The following ALDH1A3 variants were observed in gnomAD, a reference collection of about 807,000 sequenced individuals.
The protein encoded by ALDH1A3 is aldehyde dehydrogenase 1 family member A3, also known as retinaldehyde dehydrogenase 3.
ALDH1A3 carries 28 observed loss-of-function variants against 57.5 expected under a neutral mutation model. The observed-to-expected ratio is 0.49, with a 90% confidence interval of 0.36 to 0.67. The LOEUF is 0.67. Ranked by LOEUF, ALDH1A3 falls within the 30% of genes least tolerant of loss-of-function variation. The pLI is 0.00. For missense variants in ALDH1A3, 507 were observed against 669.4 expected (o/e 0.76, Z 2.68); for synonymous variants, 281 against 264.8 (o/e 1.06, Z -0.59).
chr15:100,892,984 G>A lies in ALDH1A3; in HGVS notation c.515G>A (p.Gly172Asp), dbSNP rs1567169714. 6.2e-7 allele frequency: 1 copy of A among 1,614,036 alleles called. No individual in the cohort carries two copies. Among genetic ancestry groups the A allele is most frequent in the Non-Finnish European group, 8.5e-7 (1 of 1,179,974 alleles). Residue 172 changes from glycine (G) to aspartate (D), a missense_variant, in exon 5 of 13, where the codon GGT becomes GAT. Coordinates refer to ENST00000329841, the MANE Select transcript of ALDH1A3 (RefSeq NM_000693.4). ...VVCFTRHEPI[G>D]VCGAITPWNF... Reference sequence around the variant, plus strand: ...TGCTTCACCAGGCATGAGCCCATTGGTGTCTGTGGGGCCATCACTCCAGTA... The same window carrying A: ...TGCTTCACCAGGCATGAGCCCATTGATGTCTGTGGGGCCATCACTCCAGTA...
chr15:100,884,505 C>G (rs2041574608), intron 1 of ALDH1A3, among the ~76,000 whole-genome samples: 3 of 151,450 alleles, frequency 2.0e-5, no homozygotes, highest in Admixed American at 1.3e-4. Context: ...GTTTCTAACC[C>G]AGACATTTAA....
In ALDH1A3 at chr15:100,900,717, C is replaced by G. The variant is rs138675893; in HGVS notation, c.1026C>G (p.Pro342=). 9 of 1,613,948 alleles carry G rather than the reference C, an allele frequency of 5.6e-6. No homozygotes were observed. The highest frequency in any genetic ancestry group is 2.7e-5 in the African/African-American group (2 of 74,868). Residue 342 remains proline, a synonymous_variant, in exon 9 of 13, where the codon CCC becomes CCG. Coordinates refer to ENST00000329841, the MANE Select transcript of ALDH1A3 (RefSeq NM_000693.4). ...RRSVEYAKKR[P]VGDPFDVKTE... ...GCGTGGAGTATGCCAAGAAACGGCCCGTGGGAGACCCCTTCGATGTCAAAA... is the reference window on the plus strand; with the variant it reads ...GCGTGGAGTATGCCAAGAAACGGCCGGTGGGAGACCCCTTCGATGTCAAAA...
At chr15:100,881,028 C>T (rs144580779) in intron 1 of ALDH1A3, 2 of 152,328 alleles carry the variant, frequency 1.3e-5, no homozygotes, top group African/African-American at 4.8e-5. Context: ...CCATAGCCCC[C>T]AACTCCAGCT....
At chr15:100,909,173 A>G (rs1596134910) in intron 12 of ALDH1A3, among the ~76,000 whole-genome samples, 1 of 82,206 alleles carries the variant, frequency 1.2e-5, no homozygotes, top group Non-Finnish European at 2.4e-5. Context: ...GTGTGAACCC[A>G]CTGCAAACTC....
intron 3 of ALDH1A3, chr15:100,888,431 T>A (rs140176431): frequency 6.0e-4 from 91 of 152,312 alleles, no homozygotes; most frequent in African/African-American, 2.2e-3. Context: ...TAAACTTAAG[T>A]TTAATCTCAT....
At chr15:100,905,418 A>C in intron 9 of ALDH1A3, 105 bp from the exon 10 acceptor site, 2 of 1,382,700 alleles carry the variant, frequency 1.4e-6, no homozygotes, top group Middle Eastern at 3.8e-4. Flanking sequence ...TGACAAGAAC[A>C]TGCAGAGGGA....
In ALDH1A3 at chr15:100,914,947, G is replaced by A. The variant is rs7182089; in HGVS notation, c.*174G>A. On this transcript the variant is annotated 3_prime_UTR_variant, in exon 13 of 13. Transcript: ENST00000329841. ...CTCTCACTCTCCTGTTTATTCACCA[G>A]ACTGGGGATGCCTATAGGTTGTCTG... 0.01 allele frequency: 6,474 copies of A among 636,484 alleles called. 276 individuals carry two copies. The highest frequency in any genetic ancestry group is 0.097 in the African/African-American group (5,310 of 54,622). 39.4% of individuals were successfully genotyped at this position (636,484 alleles called of 1,614,324 possible).
At chr15:100,909,077 G>A (rs556542059) in intron 12 of ALDH1A3, among the ~76,000 whole-genome samples, 3 of 139,014 alleles carry the variant, frequency 2.2e-5, no homozygotes, top group African/African-American at 5.5e-5. Context: ...AACCCTCCAC[G>A]CGTGCATGTA....
At position 100,893,042 on chromosome 15, in the gene ALDH1A3, AG is replaced by A; in HGVS notation, c.537+37del. On this transcript the variant is annotated intron_variant, in intron 5 of 12. Coordinates refer to ENST00000329841, the MANE Select transcript of ALDH1A3 (RefSeq NM_000693.4). This position sits in a 1 kb window ranked among gnomAD's most constrained non-coding sequence, Gnocchi z 4.8. ...CAGCCTTTCTCAGTAGATTCTATGT[AG>A]ATCCTGCCCCACTGCCCTGTGTCCT... 6.3e-7 allele frequency: 1 copy of A among 1,584,380 alleles called. No homozygotes were observed. Among genetic ancestry groups the A allele is most frequent in the Non-Finnish European group, 8.7e-7 (1 of 1,156,030 alleles).
chr15:100,882,987 C>T (rs2041560285), intron 1 of ALDH1A3, among the ~76,000 whole-genome samples: 1 of 152,060 alleles, frequency 6.6e-6, no homozygotes, highest in African/African-American at 2.4e-5. Context: ...TAGAGTCAAA[C>T]AGTCTGATTT....
chr15:100,907,288 C>T lies in ALDH1A3; in HGVS notation c.1391+10C>T. The T allele has an allele frequency of 2.5e-6, 4 of 1,611,746 alleles. No individual in the cohort carries two copies. In the South Asian group the frequency reaches 4.4e-5, roughly 18 times the overall value. On this transcript the variant is annotated intron_variant, in intron 11 of 12. Coordinates refer to ENST00000329841, the MANE Select transcript of ALDH1A3 (RefSeq NM_000693.4). ...AGTCTGGAACGGTCTGGTGAGTTGA[C>T]TGTGTGTGTATTTCAGCTCTCCTGA... is the stretch of plus-strand genomic sequence containing the variant.
intron 12 of ALDH1A3, among the ~76,000 whole-genome samples, chr15:100,910,837 C>T (rs1007792793): frequency 6.6e-6 from 1 of 152,232 alleles, no homozygotes; most frequent in Non-Finnish European, 1.5e-5. Context: ...CTCCAGTCCC[C>T]GAAGCAAATG....
At position 100,889,636 on chromosome 15, in the gene ALDH1A3, G is replaced by A. The variant is rs941057168; in HGVS notation, c.345+1924G>A. Among the ~76,000 whole-genome samples the A allele has an allele frequency of 3.9e-5, 6 of 152,138 alleles. No homozygotes were observed. Among genetic ancestry groups the A allele is most frequent in the Non-Finnish European group, 8.8e-5 (6 of 68,030 alleles). On this transcript the variant is annotated intron_variant, in intron 3 of 12. Coordinates refer to ENST00000329841, the MANE Select transcript of ALDH1A3 (RefSeq NM_000693.4). The surrounding 1 kb of genome is among the most constrained non-coding windows in gnomAD (Gnocchi z 5.1). ...AGAGGATGTGCCCTGGGCACCCCCC[G>A]CCCTGAACCCTGTCCTTAAGTGTCA...
At chr15:100,912,205 GT>G (rs1434518864) in intron 12 of ALDH1A3, among the ~76,000 whole-genome samples, 2 of 152,200 alleles carry the variant, frequency 1.3e-5, no homozygotes, top group African/African-American at 4.8e-5. Flanking sequence ...GTGGGAGATT[GT>G]TTTCAGAATA....
chr15:100,909,739 C>T (rs1300855686), intron 12 of ALDH1A3, among the ~76,000 whole-genome samples: 2 of 152,186 alleles, frequency 1.3e-5, no homozygotes, highest in Non-Finnish European at 2.9e-5. Flanking sequence ...TAGAGCAACC[C>T]GGGAGTGGAG....
chr15:100,880,031 G>A (rs1446754173), intron 1 of ALDH1A3, 25 bp downstream of exon 1: 3 of 1,431,306 alleles, frequency 2.1e-6, no homozygotes, highest in Admixed American at 5.1e-5. Flanking sequence ...CCTCCCACCC[G>A]ACGGCCGCGG....
intron 9 of ALDH1A3, among the ~76,000 whole-genome samples, chr15:100,904,451 C>T (rs1032688307): frequency 7.2e-5 from 11 of 152,134 alleles, no homozygotes; most frequent in Admixed American, 6.5e-5. Context: ...CAGGACAGAC[C>T]GTCATCCAAT....
intron 8 of ALDH1A3, 122 bp from the exon 9 acceptor site, chr15:100,900,453 C>G (rs1413160046): frequency 1.1e-6 from 1 of 883,368 alleles, no homozygotes; most frequent in African/African-American, 1.7e-5. Context: ...TTCTGAAATG[C>G]AGCCATCCTG....
rs1328544977 is a variant in ALDH1A3, at chr15:100,906,143, C to T, written c.1233+456C>T. 6.6e-6 allele frequency among the ~76,000 whole-genome samples: 1 copy of T among 152,200 alleles called. No individual in the cohort carries two copies. Among genetic ancestry groups the T allele is most frequent in the Non-Finnish European group, 1.5e-5 (1 of 68,028 alleles). On this transcript the variant is annotated intron_variant, in intron 10 of 12. Transcript: ENST00000329841. The surrounding 1 kb of genome is among the most constrained non-coding windows in gnomAD (Gnocchi z 4.8). ...GAATTTCAAGTGTTCACTCAAGGAA[C>T]ATGTCACAGCTGGAATTTTTATTGA... is the stretch of plus-strand genomic sequence containing the variant.
Sources: gnomAD v4.1 joint callset for allele counts (sites outside exome capture counted in the v4.1 genomes callset) on GRCh38, gnomAD v4.1.1 for gene constraint, Gnocchi (gnomAD v3.1) non-coding constraint, MANE v1.5 for transcripts, NCBI Gene and HGNC (gene_info 2026-07-23, HGNC 2026-07-21) for gene names.